Variants in ROBO2 observed in about 807,000 individuals in gnomAD.
ROBO2 encodes the protein roundabout homolog 2.
In ROBO2, 53 loss-of-function variants were observed where a neutral mutation model predicts 160.8. The ratio of observed to expected loss-of-function variants is 0.33; its 90% CI spans 0.26 to 0.41. The LOEUF is 0.41. Among genes scored for constraint, ROBO2 ranks in the 10% least tolerant of loss-of-function variants. ROBO2 has a pLI of 1.00. For synonymous variants in ROBO2, 664 were observed against 611.7 expected, an observed-to-expected ratio of 1.09 and a Z score of -1.26; for missense variants, 1,577 against 1,722.4, an observed-to-expected ratio of 0.92 and a Z score of 1.49.
chr3:77,610,741 CA>C (rs71629658), intron 21 of ROBO2, among the ~76,000 whole-genome samples: 409 of 19,780 alleles, frequency 0.021, no homozygotes, highest in East Asian at 0.041. Flanking sequence ...GGCCAAAGAC[CA>C]AAAAAAAAAA....
At chr3:76,179,066 A>G (rs148650261) in intron 2 of ROBO2, among the ~76,000 whole-genome samples, 1,641 of 152,280 alleles carry the variant, frequency 0.011, 10 homozygotes, top group Non-Finnish European at 0.017. Flanking sequence ...TATTTGCACT[A>G]TAAGTATTTG....
intron 16 of ROBO2, among the ~76,000 whole-genome samples, chr3:77,580,733 C>T (rs1300173870): frequency 6.6e-6 from 1 of 151,980 alleles, no homozygotes; most frequent in Non-Finnish European, 1.5e-5. Context: ...ATGTATTATT[C>T]AGTTTATATG....
intron 23 of ROBO2, chr3:77,632,569 T>A: frequency 6.5e-7 from 1 of 1,535,796 alleles, no homozygotes; most frequent in South Asian, 1.2e-5. Context: ...TGGCTCTATC[T>A]TTGCCAGCGG....
At chr3:77,401,429 C>T (rs1244174980) in intron 2 of ROBO2, among the ~76,000 whole-genome samples, 1 of 152,046 alleles carries the variant, frequency 6.6e-6, no homozygotes, top group African/African-American at 2.4e-5. Flanking sequence ...TTTTCATATA[C>T]GCTAGATGCA....
intron 2 of ROBO2, among the ~76,000 whole-genome samples, chr3:76,891,019 A>G (rs1026987769): frequency 6.6e-6 from 1 of 152,138 alleles, no homozygotes; most frequent in African/African-American, 2.4e-5. Flanking sequence ...TAAAGTTAGG[A>G]TTGGGTTTTG....
chr3:76,567,620 GAT>G (rs1201854439), intron 2 of ROBO2, among the ~76,000 whole-genome samples: 1,425 of 33,262 alleles, frequency 0.043, 22 homozygotes, highest in Non-Finnish European at 0.065. Flanking sequence ...CCAAACTACT[GAT>G]ATATATATAT....
intron 2 of ROBO2, among the ~76,000 whole-genome samples, chr3:77,276,490 A>C (rs1001062805): frequency 6.6e-6 from 1 of 152,176 alleles, no homozygotes; most frequent in Non-Finnish European, 1.5e-5. Context: ...AGGCTGTGGC[A>C]GTATTAGATT....
chr3:77,080,257 G>A lies in ROBO2; in HGVS notation c.62-17757G>A, dbSNP rs1038039591. 3.9e-5 allele frequency among the ~76,000 whole-genome samples: 6 copies of A among 152,156 alleles called. No individual in the cohort carries two copies. The East Asian group carries it at 5.8e-4, about 15-fold the overall frequency. On this transcript the variant is annotated intron_variant, in intron 1 of 25. Coordinates refer to ENST00000461745, the Ensembl canonical transcript of ROBO2. ...CAGCGGGTTCTATAGGCCACTGTGA[G>A]GGTCTGATTAGCTTGACTGTGGAAG...
chr3:76,375,058 G>A (rs867391874), intron 2 of ROBO2, among the ~76,000 whole-genome samples: 1 of 151,492 alleles, frequency 6.6e-6, no homozygotes, highest in Non-Finnish European at 1.5e-5. Flanking sequence ...TCTATAAAGA[G>A]ATATTGAGGA....
At chr3:77,317,162 C>T (rs2064086966) in intron 2 of ROBO2, 2 of 1,011,170 alleles carry the variant, frequency 2.0e-6, no homozygotes, top group Non-Finnish European at 3.2e-6. Context: ...CCCAGCCAGC[C>T]AGCCCTGTAA....
chr3:76,739,552 A>T (rs910744613), intron 2 of ROBO2, among the ~76,000 whole-genome samples: 2 of 151,930 alleles, frequency 1.3e-5, no homozygotes, highest in African/African-American at 4.8e-5. Context: ...GGTGCAGCAC[A>T]CCAGCATGGC....
At chr3:77,151,524 C>T (rs1408996156) in intron 2 of ROBO2, among the ~76,000 whole-genome samples, 2 of 152,074 alleles carry the variant, frequency 1.3e-5, no homozygotes, top group African/African-American at 4.8e-5. Context: ...TGAATCTTCT[C>T]TTTTTGAATC....
At chr3:76,119,980 C>A (rs2070678815) in intron 2 of ROBO2, among the ~76,000 whole-genome samples, 1 of 124,882 alleles carries the variant, frequency 8.0e-6, no homozygotes, top group African/African-American at 3.1e-5. Flanking sequence ...CTTCCTCTCT[C>A]TTTCTTTCAT....
chr3:76,649,453 T>C (rs774736871), intron 2 of ROBO2, among the ~76,000 whole-genome samples: 5 of 151,946 alleles, frequency 3.3e-5, no homozygotes, highest in Non-Finnish European at 7.4e-5. Flanking sequence ...TTGTTGCTGG[T>C]TTTTTTAGAG....
intron 2 of ROBO2, among the ~76,000 whole-genome samples, chr3:76,243,261 G>A (rs1191740014): frequency 6.6e-6 from 1 of 152,042 alleles, no homozygotes; most frequent in Non-Finnish European, 1.5e-5. Flanking sequence ...CCAGCTCCTT[G>A]AGCACTGCCG....
rs202204233 is a variant in ROBO2, at chr3:77,379,450, TA to T, written c.389-97953del. ...TATTCTGGTTCGAGGGTTGCCTGATTAAAAAAAAAAATTAAAAGTCAATGAC... is the reference window on the plus strand; with the variant it reads ...TATTCTGGTTCGAGGGTTGCCTGATTAAAAAAAAAATTAAAAGTCAATGAC... On this transcript the variant is annotated intron_variant, in intron 2 of 25. Transcript: ENST00000461745. Among the ~76,000 whole-genome samples, 216 of 148,128 alleles carry T rather than the reference TA, an allele frequency of 1.5e-3. 1 individual carries two copies. The highest frequency in any genetic ancestry group is 4.6e-3 in the African/African-American group (186 of 40,556).
intron 2 of ROBO2, among the ~76,000 whole-genome samples, chr3:76,303,608 CAA>C (rs5850248): frequency 6.6e-6 from 1 of 151,582 alleles, no homozygotes; most frequent in East Asian, 2.0e-4. Context: ...AACTACTCTT[CAA>C]AAAAAAAGAG....
At chr3:76,059,099 G>T (rs1481988027) in intron 2 of ROBO2, among the ~76,000 whole-genome samples, 6 of 150,704 alleles carry the variant, frequency 4.0e-5, no homozygotes, top group Non-Finnish European at 8.9e-5. Flanking sequence ...GAATAGTGCC[G>T]CAATAAACAT....
intron 2 of ROBO2, among the ~76,000 whole-genome samples, chr3:76,215,348 A>C (rs1365165631): frequency 6.6e-6 from 1 of 152,184 alleles, no homozygotes; most frequent in South Asian, 2.1e-4. Flanking sequence ...AGGCTTCAGA[A>C]GATCAAACTA....
Sources: gnomAD v4.1 joint callset for allele counts (sites outside exome capture counted in the v4.1 genomes callset) on GRCh38, gnomAD v4.1.1 for gene constraint, MANE v1.5 for transcripts, NCBI Gene and HGNC (gene_info 2026-07-23, HGNC 2026-07-21) for gene names.